The following ZMYND19 variants were observed in gnomAD, a reference collection of about 807,000 sequenced individuals.
The protein encoded by ZMYND19 is zinc finger MYND domain-containing protein 19.
Under a neutral mutation model 32.0 loss-of-function variants are expected in ZMYND19, and 17 were observed. The observed-to-expected ratio is 0.53, with a 90% CI of 0.36 to 0.80. The LOEUF (loss-of-function observed/expected upper bound fraction) is 0.80, where lower values mean the gene tolerates loss of function less well. Among genes scored for constraint, ZMYND19 ranks in the 30% least tolerant of loss-of-function variants. The pLI is 0.00. For synonymous variants in ZMYND19, 124 were observed against 113.6 expected (o/e 1.09, Z -0.58); for missense variants, 250 against 293.6 (o/e 0.85, Z 1.09).
chr9:137,585,463 C>T (rs1477449557), intron 4 of ZMYND19, among the ~76,000 whole-genome samples: 1 of 150,338 alleles, frequency 6.7e-6, no homozygotes, highest in Non-Finnish European at 1.5e-5. Context: ...TCCCTGAAGC[C>T]AGGAGTTCAA....
intron 5 of ZMYND19, 84 bp downstream of exon 5, chr9:137,582,899 C>T (rs1278891150): frequency 1.3e-6 from 2 of 1,564,572 alleles, no homozygotes; most frequent in Non-Finnish European, 1.7e-6. Flanking sequence ...GAATGGGACC[C>T]CGCGGTGGAG....
In ZMYND19 at chr9:137,587,700, AGCT is replaced by A; in HGVS notation, c.218+14_218+16del. 2 of 1,612,148 alleles carry A rather than the reference AGCT, an allele frequency of 1.2e-6. No individual in the cohort carries two copies. The highest frequency in any genetic ancestry group is 1.7e-6 in the Non-Finnish European group (2 of 1,178,472). Reference sequence around the variant, plus strand: ...GAGCCCAGTGGCGGGGGGCAGAGACAGCTTGGAAACACCCACCACAGCAGCTCA... The same window carrying A: ...GAGCCCAGTGGCGGGGGGCAGAGACATGGAAACACCCACCACAGCAGCTCA... On this transcript the variant is annotated intron_variant, in intron 3 of 5. Coordinates refer to ENST00000298585, the MANE Select transcript of ZMYND19 (RefSeq NM_138462.3).
intron 2 of ZMYND19, 101 bp from the exon 3 acceptor site, chr9:137,587,924 G>A (rs1313054034): frequency 5.1e-6 from 6 of 1,175,572 alleles, no homozygotes; most frequent in Middle Eastern, 1.9e-4. Context: ...AAGCCAGAGG[G>A]ACAAATGCCA....
chr9:137,582,902 C>T (rs564643620), intron 5 of ZMYND19, 81 bp downstream of exon 5: 72 of 1,567,902 alleles, frequency 4.6e-5, no homozygotes, highest in Middle Eastern at 4.2e-4. Context: ...TGGGACCCCG[C>T]GGTGGAGGGC....
At chr9:137,586,878 C>T in intron 4 of ZMYND19, 89 bp downstream of exon 4, 1 of 1,558,978 alleles carries the variant, frequency 6.4e-7, no homozygotes, top group Non-Finnish European at 8.7e-7. Context: ...AGAGGAGGAA[C>T]AGGAGACCCT....
chr9:137,586,666 G>A (rs1390055367), intron 4 of ZMYND19, among the ~76,000 whole-genome samples: 2 of 152,316 alleles, frequency 1.3e-5, no homozygotes, highest in East Asian at 3.9e-4. Context: ...ACCGAGTCCC[G>A]ACGCTGGCCC....
At chr9:137,587,672 C>T (rs750804333) in intron 3 of ZMYND19, 45 bp downstream of exon 3, 1 of 1,580,356 alleles carries the variant, frequency 6.3e-7, no homozygotes, top group African/African-American at 1.3e-5. Context: ...GGAGCTCACC[C>T]AGGAGCCCAG....
intron 2 of ZMYND19, among the ~76,000 whole-genome samples, chr9:137,588,455 A>G (rs777449686): frequency 1.7e-3 from 155 of 93,072 alleles, no homozygotes; most frequent in Non-Finnish European, 2.8e-3. Flanking sequence ...TGTGGGCCAC[A>G]GTGGGCTCCA....
intron 4 of ZMYND19, among the ~76,000 whole-genome samples, chr9:137,585,136 A>C (rs955501755): frequency 2.0e-5 from 3 of 151,886 alleles, no homozygotes; most frequent in Non-Finnish European, 2.9e-5. Flanking sequence ...AAGAGGCTGA[A>C]GCGGGGCCAG....
chr9:137,590,274 G>C lies in ZMYND19; in HGVS notation c.-11C>G. The C allele has an allele frequency of 9.2e-7, 1 of 1,085,774 alleles. No individual in the cohort carries two copies. The highest frequency in any genetic ancestry group is 1.1e-6 in the Non-Finnish European group (1 of 888,704). The allele number at this position is 1,085,774 out of a possible 1,614,324, so 67.3% of individuals were successfully genotyped here. A position where few individuals can be genotyped will look rare whatever the true frequency, so the allele number is the denominator to read the frequency against. Reference sequence around the variant, plus strand: ...TTTGAAGTCGGTCATGGCCGGGCCTGCGCTCTCGGCCGGCAGCGCCGCTCC... The same window carrying C: ...TTTGAAGTCGGTCATGGCCGGGCCTCCGCTCTCGGCCGGCAGCGCCGCTCC... On this transcript the variant is annotated 5_prime_UTR_variant, in exon 1 of 6. Transcript: ENST00000298585. The surrounding 1 kb of genome is among the most constrained non-coding windows in gnomAD (Gnocchi z 4.2).
chr9:137,589,470 ACAGGGCT>A, intron 1 of ZMYND19: 1 of 985,438 alleles, frequency 1.0e-6, no homozygotes, highest in East Asian at 1.1e-4. Flanking sequence ...GGTGACGGGA[ACAGGGCT>A]CCCATCCGGG....
intron 4 of ZMYND19, among the ~76,000 whole-genome samples, chr9:137,585,171 C>T (rs576814907): frequency 3.4e-4 from 51 of 152,114 alleles, no homozygotes; most frequent in Admixed American, 2.8e-3. Context: ...GCCTGTAATC[C>T]CAGCACTTTG....
intron 2 of ZMYND19, among the ~76,000 whole-genome samples, chr9:137,588,257 G>A (rs966591825): frequency 2.0e-5 from 3 of 152,218 alleles, no homozygotes; most frequent in Admixed American, 6.5e-5. Context: ...GAGAACGGGA[G>A]GCAGCTGGGC....
chr9:137,586,076 G>A (rs1842200916), intron 4 of ZMYND19, among the ~76,000 whole-genome samples: 1 of 152,252 alleles, frequency 6.6e-6, no homozygotes, highest in African/African-American at 2.4e-5. Flanking sequence ...TGGTTCTAGG[G>A]CCAGCAGGAA....
In ZMYND19 at chr9:137,590,260, T is replaced by C; in HGVS notation, c.4A>G (p.Thr2Ala). Reference sequence around the variant, plus strand: ...CGCACGATACCCAATTTGAAGTCGGTCATGGCCGGGCCTGCGCTCTCGGCC... The same window carrying C: ...CGCACGATACCCAATTTGAAGTCGGCCATGGCCGGGCCTGCGCTCTCGGCC... M[T>A]DFKLGIVRLG... Residue 2 changes from threonine (T) to alanine (A), a missense_variant, in exon 1 of 6, where the codon ACC (threonine) becomes GCC (alanine). Transcript: ENST00000298585. This position sits in a 1 kb window ranked among gnomAD's most constrained non-coding sequence, Gnocchi z 4.2. 8.7e-7 allele frequency: 1 copy of C among 1,145,226 alleles called. No homozygotes were observed. The highest frequency in any genetic ancestry group is 1.7e-5 in the African/African-American group (1 of 59,556). 70.9% of individuals were successfully genotyped at this position (1,145,226 alleles called of 1,614,324 possible).
chr9:137,582,387 A>C lies in ZMYND19; in HGVS notation c.*156T>G. The C allele has an allele frequency of 9.4e-7, 1 of 1,060,344 alleles. No individual in the cohort carries two copies. Among genetic ancestry groups the C allele is most frequent in the Non-Finnish European group, 1.3e-6 (1 of 751,666 alleles). The allele number at this position is 1,060,344 out of a possible 1,614,324, so 65.7% of individuals were successfully genotyped here. On this transcript the variant is annotated 3_prime_UTR_variant, in exon 6 of 6. Coordinates refer to ENST00000298585, the MANE Select transcript of ZMYND19 (RefSeq NM_138462.3). ...GGAGATGAACACTGAGGGGCGCTGT[A>C]ACCACACAGACTGCCTGTGACATCG... is the stretch of plus-strand genomic sequence containing the variant.
At chr9:137,589,609 A>G (rs370573611) in intron 1 of ZMYND19, 2 of 985,432 alleles carry the variant, frequency 2.0e-6, no homozygotes, top group South Asian at 4.7e-5. Flanking sequence ...TAAGAAGAGA[A>G]GTCGAGGAAG....
Position 137,590,198 on chromosome 9 carries a change from C to T in ZMYND19, c.51+15G>A. On this transcript the variant is annotated intron_variant, in intron 1 of 5. Transcript: ENST00000298585. The surrounding 1 kb of genome is among the most constrained non-coding windows in gnomAD (Gnocchi z 4.2). ...CGGGCGAGACGGGCCGGGTCGCGGG[C>T]TCCGCGCCGCTCACCTTCCCGGCCA... The T allele has an allele frequency of 9.1e-7, 1 of 1,095,794 alleles. No individual in the cohort carries two copies. Among genetic ancestry groups the T allele is most frequent in the African/African-American group, 1.7e-5 (1 of 58,484 alleles). The allele number at this position is 1,095,794 out of a possible 1,614,324, so 67.9% of individuals were successfully genotyped here.
intron 2 of ZMYND19, 51 bp downstream of exon 2, chr9:137,588,608 C>T (rs1842233688): frequency 3.1e-6 from 5 of 1,604,870 alleles, no homozygotes; most frequent in Non-Finnish European, 8.5e-7. Flanking sequence ...TCGTGACCCT[C>T]CTGGGCACTG....
Sources: allele counts gnomAD v4.1 joint callset (sites outside exome capture counted in the v4.1 genomes callset), GRCh38; gene constraint gnomAD v4.1.1; non-coding constraint Gnocchi (gnomAD v3.1); transcripts MANE v1.5; gene names NCBI Gene and HGNC (gene_info 2026-07-23, HGNC 2026-07-21).